The following PSD3 variants were observed in gnomAD, a reference collection of about 807,000 sequenced individuals.
PSD3 encodes the protein pleckstrin and Sec7 domain containing 3.
PSD3 carries 49 observed loss-of-function variants against 105.5 expected under a neutral mutation model. That is an observed-to-expected ratio of 0.46 (90% confidence interval 0.37 to 0.59). PSD3 has a LOEUF of 0.59. Ranked by LOEUF, PSD3 falls within the 20% of genes least tolerant of loss-of-function variation. PSD3 has a pLI of 0.00. For missense variants in PSD3, 1,561 were observed against 1,263.8 expected, an observed-to-expected ratio of 1.24 and a Z score of -3.57; for synonymous variants, 557 against 457.8, an observed-to-expected ratio of 1.22 and a Z score of -2.77.
chr8:18,534,204 A>AGAACTAGAG lies in PSD3; in HGVS notation c.*1530_*1538dup, dbSNP rs1481322137. 1 of 152,600 alleles carries AGAACTAGAG rather than the reference A, an allele frequency of 6.6e-6. No homozygotes were observed. The highest frequency in any genetic ancestry group is 1.5e-5 in the Non-Finnish European group (1 of 68,044). 9.5% of individuals were successfully genotyped at this position (152,600 alleles called of 1,614,324 possible). A position where few individuals can be genotyped will look rare whatever the true frequency, so the allele number is the denominator to read the frequency against. ...ATAGTACCTTCAACAAATAAACTAT[A>AGAACTAGAG]GAACTAGAGAAACTTTCTAAGGGAG... On this transcript the variant is annotated 3_prime_UTR_variant, in exon 16 of 16. Coordinates refer to ENST00000327040, the MANE Select transcript of PSD3 (RefSeq NM_015310.4).
chr8:18,620,588 G>A (rs1233657610), intron 11 of PSD3, among the ~76,000 whole-genome samples: 1 of 151,926 alleles, frequency 6.6e-6, no homozygotes, highest in Non-Finnish European at 1.5e-5. Context: ...ACATTCCTGT[G>A]GTCCCAGCTA....
intron 1 of PSD3, among the ~76,000 whole-genome samples, chr8:19,035,366 G>A (rs1827906079): frequency 6.6e-6 from 1 of 152,138 alleles, no homozygotes; most frequent in Non-Finnish European, 1.5e-5. Context: ...AAAGCACTAT[G>A]AACATGAAAA....
intron 11 of PSD3, among the ~76,000 whole-genome samples, chr8:18,626,536 T>G (rs764941636): frequency 1.6e-4 from 25 of 152,286 alleles, no homozygotes; most frequent in Admixed American, 2.6e-4. Context: ...CAGAATTATT[T>G]GGAGCTCCTA....
At chr8:18,980,913 G>A (rs548455292) in intron 1 of PSD3, among the ~76,000 whole-genome samples, 22 of 152,094 alleles carry the variant, frequency 1.4e-4, no homozygotes, top group South Asian at 8.3e-4. Flanking sequence ...GCTTCTGATC[G>A]CTGGTCTTCG....
chr8:18,655,750 A>G (rs1167588507), intron 9 of PSD3, 65 bp from the exon 10 acceptor site: 52 of 1,469,280 alleles, frequency 3.5e-5, no homozygotes, highest in South Asian at 2.4e-4. Flanking sequence ...GAATTCAGCA[A>G]ATGACCAAGT....
chr8:18,860,027 T>A (rs1458476020), intron 4 of PSD3, among the ~76,000 whole-genome samples: 1 of 152,192 alleles, frequency 6.6e-6, no homozygotes, highest in Non-Finnish European at 1.5e-5. Flanking sequence ...CCAAGTTTAA[T>A]CCTTTCTAGA....
At chr8:19,003,643 G>A (rs1457063352) in intron 1 of PSD3, among the ~76,000 whole-genome samples, 1 of 151,992 alleles carries the variant, frequency 6.6e-6, no homozygotes, top group Non-Finnish European at 1.5e-5. Flanking sequence ...GAGGGAAGAA[G>A]GAGGGAGGAT....
chr8:19,070,978 G>T (rs1829236416), intron 1 of PSD3, among the ~76,000 whole-genome samples: 1 of 151,950 alleles, frequency 6.6e-6, no homozygotes, highest in Non-Finnish European at 1.5e-5. Context: ...TCTTCAAAGA[G>T]TTCTTGAGTG....
intron 11 of PSD3, among the ~76,000 whole-genome samples, chr8:18,618,514 A>G (rs1293765954): frequency 7.1e-6 from 1 of 140,466 alleles, no homozygotes; most frequent in Non-Finnish European, 1.6e-5. Flanking sequence ...TGCTGTATCT[A>G]TCATATTTTA....
At chr8:18,694,246 T>C (rs1411905870) in intron 9 of PSD3, among the ~76,000 whole-genome samples, 1 of 152,210 alleles carries the variant, frequency 6.6e-6, no homozygotes, top group East Asian at 1.9e-4. Context: ...ACTCTCCTCA[T>C]CTGCTACCAC....
At chr8:18,856,815 A>G (rs1281367001) in intron 4 of PSD3, among the ~76,000 whole-genome samples, 3 of 152,194 alleles carry the variant, frequency 2.0e-5, no homozygotes, top group African/African-American at 7.2e-5. Context: ...GTGACTTTGA[A>G]GAGGTTTTAA....
intron 4 of PSD3, among the ~76,000 whole-genome samples, chr8:18,808,229 C>G (rs185887247): frequency 3.2e-3 from 489 of 152,268 alleles, no homozygotes; most frequent in Non-Finnish European, 4.6e-3. Context: ...TGTGCTTTTC[C>G]TATCATGTAG....
intron 9 of PSD3, among the ~76,000 whole-genome samples, chr8:18,737,883 G>C (rs773152088): frequency 1.3e-5 from 2 of 152,084 alleles, no homozygotes; most frequent in African/African-American, 4.8e-5. Flanking sequence ...TATTGTTTTT[G>C]CAAGTATGCC....
At chr8:18,790,463 T>C (rs1000565234) in intron 8 of PSD3, among the ~76,000 whole-genome samples, 10 of 151,810 alleles carry the variant, frequency 6.6e-5, no homozygotes, top group Non-Finnish European at 8.8e-5. Context: ...CCACCATGCC[T>C]GGCTAATTTT....
chr8:18,950,867 T>C (rs762871090), intron 1 of PSD3, among the ~76,000 whole-genome samples: 82 of 152,114 alleles, frequency 5.4e-4, no homozygotes, highest in Non-Finnish European at 8.2e-4. Context: ...AACTGTCCTG[T>C]GTCATGCACT....
chr8:18,562,058 G>T (rs770365853), intron 14 of PSD3, among the ~76,000 whole-genome samples: 30 of 152,216 alleles, frequency 2.0e-4, no homozygotes, highest in Middle Eastern at 3.2e-3. Context: ...CTCCAAGAGG[G>T]AAAGGAGGAA....
At chr8:18,677,194 G>A (rs918855014) in intron 9 of PSD3, among the ~76,000 whole-genome samples, 5 of 152,210 alleles carry the variant, frequency 3.3e-5, no homozygotes, top group Non-Finnish European at 7.3e-5. Flanking sequence ...ACTAGAGGAA[G>A]GAGGGAAATT....
At chr8:19,024,617 T>A (rs182445075) in intron 1 of PSD3, among the ~76,000 whole-genome samples, 20 of 152,266 alleles carry the variant, frequency 1.3e-4, no homozygotes, top group Admixed American at 2.0e-4. Context: ...ATGGAGCCCC[T>A]AGACTGCCCA....
chr8:18,826,301 C>A (rs1242918371), intron 4 of PSD3, among the ~76,000 whole-genome samples: 1 of 152,138 alleles, frequency 6.6e-6, no homozygotes, highest in African/African-American at 2.4e-5. Flanking sequence ...TCACGTGAAC[C>A]AATTCCCTAT....
Sources: gnomAD v4.1 joint callset for allele counts (sites outside exome capture counted in the v4.1 genomes callset) on GRCh38, gnomAD v4.1.1 for gene constraint, MANE v1.5 for transcripts, NCBI Gene and HGNC (gene_info 2026-07-23, HGNC 2026-07-21) for gene names.